PHACTR4: variants seen among roughly 807,000 people sequenced by gnomAD.
PHACTR4 encodes phosphatase and actin regulator 4.
In PHACTR4, 51 loss-of-function variants were observed where a neutral mutation model predicts 72.7. That is an observed-to-expected ratio of 0.70 (90% CI 0.56 to 0.89). The LOEUF is 0.89. Among genes scored for constraint, PHACTR4 ranks in the 40% least tolerant of loss-of-function variants. PHACTR4 has a pLI of 0.00. For synonymous variants in PHACTR4, 255 were observed against 302.5 expected (o/e 0.84, Z 1.63); for missense variants, 731 against 861.8 (o/e 0.85, Z 1.90).
At position 28,449,198 on chromosome 1, in the gene PHACTR4, C is replaced by T. The variant is rs1197514433; in HGVS notation, c.17-9887C>T. Among the ~76,000 whole-genome samples, 2 of 151,768 alleles carry T rather than the reference C, an allele frequency of 1.3e-5. 1 individual carries two copies. The highest frequency in any genetic ancestry group is 4.8e-5 in the African/African-American group (2 of 41,300). ...GCTGTGCCAGGTGCAGTGGTGCACC[C>T]CTAGAGCCCCAGTGACTTGAGAGGC... On this transcript the variant is annotated intron_variant, in intron 2 of 13. Coordinates refer to ENST00000373839, the MANE Select transcript of PHACTR4 (RefSeq NM_001048183.3).
At chr1:28,455,223 CAG>C (rs1658305521) in intron 2 of PHACTR4, among the ~76,000 whole-genome samples, 1 of 77,414 alleles carries the variant, frequency 1.3e-5, no homozygotes, top group East Asian at 3.0e-4. Flanking sequence ...TTTTTTGAGA[CAG>C]AGTTTTGCTT....
chr1:28,486,816 G>A (rs560436698), intron 9 of PHACTR4, among the ~76,000 whole-genome samples: 67 of 151,714 alleles, frequency 4.4e-4, no homozygotes, highest in African/African-American at 1.5e-3. Flanking sequence ...CCAAGGTGGC[G>A]CCAGTGCACT....
At position 28,434,612 on chromosome 1, in the gene PHACTR4, G is replaced by T. The variant is rs189192043; in HGVS notation, c.17-24473G>T. ...TGGGATTACAGGCATGAGCCACTGT[G>T]CCCAGCCCCTTTCATTCTTTAAGTT... On this transcript the variant is annotated intron_variant, in intron 2 of 13. Transcript: ENST00000373839. Among the ~76,000 whole-genome samples, 104 of 152,272 alleles carry T rather than the reference G, an allele frequency of 6.8e-4. 2 individuals are homozygous for T. The highest frequency in any genetic ancestry group is 1.8e-4 in the Non-Finnish European group (12 of 68,006).
At chr1:28,405,335 T>C (rs1330330688) in intron 1 of PHACTR4, among the ~76,000 whole-genome samples, 2 of 152,102 alleles carry the variant, frequency 1.3e-5, no homozygotes, top group Non-Finnish European at 2.9e-5. Context: ...TTTTTTTCTT[T>C]TTCTTTTTTG....
intron 10 of PHACTR4, among the ~76,000 whole-genome samples, chr1:28,490,462 G>A (rs1205939304): frequency 4.6e-5 from 7 of 151,570 alleles, no homozygotes; most frequent in Non-Finnish European, 1.0e-4. Flanking sequence ...AACCCGGGAA[G>A]CGGAGCTTGC....
intron 12 of PHACTR4, among the ~76,000 whole-genome samples, chr1:28,492,612 T>C (rs1223954622): frequency 6.6e-6 from 1 of 151,436 alleles, no homozygotes; most frequent in Non-Finnish European, 1.5e-5. Flanking sequence ...AAATACAAAA[T>C]AGCCGGACGT....
intron 1 of PHACTR4, among the ~76,000 whole-genome samples, chr1:28,380,050 ACTTTTTTTTT>A (rs1334821509): frequency 7.8e-6 from 1 of 128,078 alleles, no homozygotes; most frequent in Admixed American, 8.0e-5. Context: ...TTTAAATGTA[ACTTTTTTTTT>A]TTTTTTTTTT....
chr1:28,486,433 T>C (rs1414132347), intron 9 of PHACTR4, among the ~76,000 whole-genome samples: 1 of 152,222 alleles, frequency 6.6e-6, no homozygotes, highest in Non-Finnish European at 1.5e-5. Context: ...ACAGGTGATA[T>C]ATGGCAAAAG....
intron 4 of PHACTR4, among the ~76,000 whole-genome samples, chr1:28,462,124 C>T (rs1243339254): frequency 6.6e-6 from 1 of 152,104 alleles, no homozygotes; most frequent in Non-Finnish European, 1.5e-5. Context: ...TTTCCAGCCT[C>T]AGCCTCCCGA....
At chr1:28,411,319 T>C (rs537937109) in intron 2 of PHACTR4, among the ~76,000 whole-genome samples, 5 of 152,364 alleles carry the variant, frequency 3.3e-5, no homozygotes, top group Non-Finnish European at 7.3e-5. Context: ...AGTGTTTGGA[T>C]TACAGGTGTG....
intron 6 of PHACTR4, among the ~76,000 whole-genome samples, chr1:28,471,030 GAA>G (rs375266708): frequency 7.4e-6 from 1 of 134,254 alleles, no homozygotes; most frequent in Non-Finnish European, 1.6e-5. Flanking sequence ...TGTCTCAAAA[GAA>G]AAAAAAAAAA....
chr1:28,469,966 A>G (rs1403026863), intron 6 of PHACTR4, among the ~76,000 whole-genome samples: 2 of 151,924 alleles, frequency 1.3e-5, no homozygotes, highest in Non-Finnish European at 2.9e-5. Flanking sequence ...CTGAGGCAGG[A>G]GAGAATCACT....
At chr1:28,439,266 A>G (rs947475922) in intron 2 of PHACTR4, among the ~76,000 whole-genome samples, 1 of 151,582 alleles carries the variant, frequency 6.6e-6, no homozygotes, top group Non-Finnish European at 1.5e-5. Flanking sequence ...GCAGCAGAAA[A>G]CATGTTCAGT....
intron 1 of PHACTR4, among the ~76,000 whole-genome samples, chr1:28,389,349 T>G (rs1158254079): frequency 6.6e-6 from 1 of 152,032 alleles, no homozygotes; most frequent in Non-Finnish European, 1.5e-5. Flanking sequence ...GATGAAAGAT[T>G]TGTGGGATAC....
chr1:28,418,749 G>A (rs563072807), intron 2 of PHACTR4, among the ~76,000 whole-genome samples: 16 of 152,000 alleles, frequency 1.1e-4, no homozygotes, highest in African/African-American at 3.1e-4. Context: ...TCAGGAGTTC[G>A]AGACCAGCCT....
chr1:28,433,919 TAC>T (rs1451177757), intron 2 of PHACTR4, among the ~76,000 whole-genome samples: 1 of 152,164 alleles, frequency 6.6e-6, no homozygotes, highest in Non-Finnish European at 1.5e-5. Context: ...TAGCTGGGAT[TAC>T]AGGCTCCCGC....
At position 28,496,760 on chromosome 1, in the gene PHACTR4, G is replaced by C; in HGVS notation, c.*211G>C. 1 of 616,194 alleles carries C rather than the reference G, an allele frequency of 1.6e-6. No individual in the cohort carries two copies. The highest frequency in any genetic ancestry group is 1.9e-5 in the South Asian group (1 of 51,478). 38.2% of individuals were successfully genotyped at this position (616,194 alleles called of 1,614,324 possible). ...AAAACAACACTTTGTCAGTGCTTTT[G>C]AACCTTTCAATATTGTAGCATGCTT... is the stretch of plus-strand genomic sequence containing the variant. On this transcript the variant is annotated 3_prime_UTR_variant, in exon 14 of 14. Transcript: ENST00000373839.
intron 2 of PHACTR4, among the ~76,000 whole-genome samples, chr1:28,428,339 C>T (rs1656005881): frequency 6.6e-6 from 1 of 152,220 alleles, no homozygotes; most frequent in Admixed American, 6.5e-5. Context: ...AAATCCCTAT[C>T]CAATATTAAC....
chr1:28,465,006 T>C (rs1035423027), intron 4 of PHACTR4, among the ~76,000 whole-genome samples: 3 of 152,154 alleles, frequency 2.0e-5, no homozygotes, highest in Non-Finnish European at 4.4e-5. Flanking sequence ...GCCCGGCTTT[T>C]ATTTGTCTTA....
Sources: gnomAD v4.1 joint callset for allele counts (sites outside exome capture counted in the v4.1 genomes callset) on GRCh38, gnomAD v4.1.1 for gene constraint, MANE v1.5 for transcripts, NCBI Gene and HGNC (gene_info 2026-07-23, HGNC 2026-07-21) for gene names.